ARID3B: variants seen among roughly 807,000 people sequenced by gnomAD.
ARID3B encodes the protein AT-rich interaction domain 3B, also known as AT-rich interactive domain-containing protein 3B.
Under a neutral mutation model 51.9 loss-of-function variants are expected in ARID3B, and 10 were observed. The ratio of observed to expected loss-of-function variants is 0.19; its 90% confidence interval spans 0.12 to 0.33. The LOEUF is 0.33. Among genes scored for constraint, ARID3B ranks in the 10% least tolerant of loss-of-function variants. The pLI is 1.00. For synonymous variants in ARID3B, 205 were observed against 279.5 expected (o/e 0.73, Z 2.66); for missense variants, 483 against 716.3 (o/e 0.67, Z 3.72).
chr15:74,578,130 T>TA (rs1326317317), intron 4 of ARID3B, among the ~76,000 whole-genome samples: 2 of 151,864 alleles, frequency 1.3e-5, no homozygotes, highest in African/African-American at 4.8e-5. Flanking sequence ...GTACTGGAAT[T>TA]ACAGACATGA....
intron 1 of ARID3B, among the ~76,000 whole-genome samples, 195 bp downstream of exon 1, chr15:74,541,525 T>G (rs1459069056): frequency 2.0e-5 from 3 of 152,074 alleles, no homozygotes; most frequent in African/African-American, 7.2e-5. Context: ...GCATTTGAGA[T>G]AAAGCGTTTG....
intron 4 of ARID3B, among the ~76,000 whole-genome samples, chr15:74,588,376 A>G (rs1434279354): frequency 2.6e-5 from 4 of 152,118 alleles, no homozygotes; most frequent in African/African-American, 9.7e-5. Context: ...AGAGCTGAGA[A>G]AACTGCTGTG....
At chr15:74,550,912 G>A (rs972139726) in intron 2 of ARID3B, among the ~76,000 whole-genome samples, 14 of 152,292 alleles carry the variant, frequency 9.2e-5, no homozygotes, top group Non-Finnish European at 1.9e-4. Context: ...GCTTTGCAGG[G>A]TTAGGGCGAA....
At position 74,550,526 on chromosome 15, in the gene ARID3B, G is replaced by A. The variant is rs567931749; in HGVS notation, c.552+6038G>A. Among the ~76,000 whole-genome samples the A allele has an allele frequency of 7.3e-5, 11 of 151,042 alleles. No individual in the cohort carries two copies. In the East Asian group the frequency reaches 1.4e-3, roughly 19 times the overall value. ...ACTAACACAGTGAAACATCATCTCC[G>A]TCTCTACTAAAAATACAAAAAAAAA... On this transcript the variant is annotated intron_variant, in intron 2 of 8. Transcript: ENST00000346246.
chr15:74,581,065 A>T (rs1400497681), intron 4 of ARID3B, among the ~76,000 whole-genome samples: 2 of 152,180 alleles, frequency 1.3e-5, no homozygotes, highest in South Asian at 2.1e-4. Context: ...GCCCACAAGC[A>T]AGGCTCTCTT....
chr15:74,566,474 G>A (rs1263044644), intron 2 of ARID3B, among the ~76,000 whole-genome samples: 2 of 151,912 alleles, frequency 1.3e-5, no homozygotes, highest in South Asian at 2.1e-4. Context: ...ATGGTGGCGC[G>A]TGCCTGTAAT....
At chr15:74,563,444 A>AT (rs1366933024) in intron 2 of ARID3B, among the ~76,000 whole-genome samples, 3 of 152,212 alleles carry the variant, frequency 2.0e-5, no homozygotes, top group African/African-American at 7.2e-5. Flanking sequence ...TATGATAGTA[A>AT]TTTTTAAAAA....
intron 4 of ARID3B, among the ~76,000 whole-genome samples, chr15:74,586,802 A>G (rs967195007): frequency 1.3e-5 from 2 of 152,244 alleles, no homozygotes; most frequent in Non-Finnish European, 2.9e-5. Context: ...TCCTCCTGGG[A>G]TATCGGATGG....
intron 2 of ARID3B, among the ~76,000 whole-genome samples, chr15:74,558,178 CTTTTT>C (rs1208034661): frequency 9.6e-6 from 1 of 104,668 alleles, no homozygotes; most frequent in Non-Finnish European, 1.9e-5. Context: ...TGGTTTGTGT[CTTTTT>C]TTTTTTTTTT....
chr15:74,547,221 C>T (rs547373374), intron 2 of ARID3B, among the ~76,000 whole-genome samples: 37 of 151,448 alleles, frequency 2.4e-4, no homozygotes, highest in Non-Finnish European at 3.8e-4. Context: ...TGCAGTGGCG[C>T]GATCTCGGCT....
chr15:74,550,218 T>A (rs2061631250), intron 2 of ARID3B, among the ~76,000 whole-genome samples: 1 of 152,206 alleles, frequency 6.6e-6, no homozygotes, highest in Non-Finnish European at 1.5e-5. Flanking sequence ...TATCAGTGAT[T>A]CTTTCAGCCC....
intron 2 of ARID3B, among the ~76,000 whole-genome samples, chr15:74,563,045 T>G (rs1278130593): frequency 6.6e-6 from 1 of 152,214 alleles, no homozygotes; most frequent in Non-Finnish European, 1.5e-5. Flanking sequence ...TCACTTAGCT[T>G]GTGCTGAGTC....
intron 2 of ARID3B, among the ~76,000 whole-genome samples, chr15:74,555,952 C>T (rs191592008): frequency 7.5e-4 from 114 of 151,846 alleles, no homozygotes; most frequent in African/African-American, 2.5e-3. Flanking sequence ...CCAGCATGCC[C>T]GGCTAATTTT....
chr15:74,558,411 T>C (rs536296577), intron 2 of ARID3B, among the ~76,000 whole-genome samples: 6 of 152,304 alleles, frequency 3.9e-5, no homozygotes, highest in African/African-American at 1.4e-4. Flanking sequence ...GTCGTAATTA[T>C]TGTGTTTGTT....
chr15:74,563,834 TTA>T (rs1254212936), intron 2 of ARID3B, among the ~76,000 whole-genome samples: 3 of 152,216 alleles, frequency 2.0e-5, no homozygotes, highest in Admixed American at 6.5e-5. Flanking sequence ...ACAATGTATT[TTA>T]GTTTTTCTGC....
chr15:74,574,669 C>T (rs1278723608), intron 4 of ARID3B: 1 of 152,136 alleles, frequency 6.6e-6, no homozygotes, highest in African/African-American at 2.4e-5. Flanking sequence ...TTAGTTTGCT[C>T]CTCCAGCTGT....
chr15:74,552,638 T>A, intron 2 of ARID3B, among the ~76,000 whole-genome samples: 1 of 152,078 alleles, frequency 6.6e-6, no homozygotes, highest in Non-Finnish European at 1.5e-5. Flanking sequence ...CCCTGATTCT[T>A]TTCCTGTCTA....
chr15:74,581,017 T>C (rs1446565097), intron 4 of ARID3B, among the ~76,000 whole-genome samples: 1 of 152,148 alleles, frequency 6.6e-6, no homozygotes, highest in Non-Finnish European at 1.5e-5. Flanking sequence ...CAAGGCAGGA[T>C]GGGGTAGGGC....
At chr15:74,593,469 G>C (rs1386439301) in intron 8 of ARID3B, among the ~76,000 whole-genome samples, 3 of 152,228 alleles carry the variant, frequency 2.0e-5, no homozygotes. Flanking sequence ...AACCCTTTTA[G>C]ACCAGTGGTT....
Sources: allele counts gnomAD v4.1 joint callset (sites outside exome capture counted in the v4.1 genomes callset), GRCh38; gene constraint gnomAD v4.1.1; transcripts MANE v1.5; gene names NCBI Gene and HGNC (gene_info 2026-07-23, HGNC 2026-07-21).